Variants in DLG2 observed in about 807,000 individuals in gnomAD.
The protein encoded by DLG2 is disks large homolog 2.
Under a neutral mutation model 132.5 loss-of-function variants are expected in DLG2, and 45 were observed. That is an observed-to-expected ratio of 0.34 (90% CI 0.27 to 0.44). The LOEUF (loss-of-function observed/expected upper bound fraction) is 0.44. DLG2 is among the 20% of genes least tolerant of loss of function. The probability of loss-of-function intolerance (pLI) is 1.00; values close to 1 mark genes in which losing one functional copy is unlikely to be tolerated. For missense variants in DLG2, 1,045 were observed against 1,196.9 expected, an observed-to-expected ratio of 0.87 and a Z score of 1.87; for synonymous variants, 424 against 419.6, an observed-to-expected ratio of 1.01 and a Z score of -0.13.
At chr11:85,065,142 A>C (rs1405314035) in intron 6 of DLG2, among the ~76,000 whole-genome samples, 1 of 151,402 alleles carries the variant, frequency 6.6e-6, no homozygotes, top group Non-Finnish European at 1.5e-5. Context: ...ACTGTTCTAA[A>C]CATTTCTTTA....
intron 4 of DLG2, among the ~76,000 whole-genome samples, chr11:85,221,837 A>T (rs560050927): frequency 1.3e-5 from 2 of 152,212 alleles, no homozygotes; most frequent in Non-Finnish European, 2.9e-5. Context: ...TCTGGACTCT[A>T]GCACCTATTT....
At chr11:83,974,053 G>A (rs1031055054) in intron 12 of DLG2, among the ~76,000 whole-genome samples, 6 of 152,056 alleles carry the variant, frequency 3.9e-5, no homozygotes, top group Admixed American at 3.3e-4. Context: ...TAAATGAGGT[G>A]TTGTAGGCAA....
At chr11:84,950,787 T>C (rs888340289) in intron 6 of DLG2, among the ~76,000 whole-genome samples, 2 of 152,032 alleles carry the variant, frequency 1.3e-5, no homozygotes, top group African/African-American at 4.8e-5. Flanking sequence ...CGGATATCTG[T>C]GAGTATATAT....
chr11:83,554,236 GC>G (rs2096465716), intron 19 of DLG2, among the ~76,000 whole-genome samples: 1 of 152,072 alleles, frequency 6.6e-6, no homozygotes, highest in African/African-American at 2.4e-5. Flanking sequence ...ATTTTTCCAT[GC>G]ACCTAGTGTA....
At chr11:85,126,600 T>C (rs1050624239) in intron 5 of DLG2, among the ~76,000 whole-genome samples, 1 of 152,164 alleles carries the variant, frequency 6.6e-6, no homozygotes, top group Admixed American at 6.5e-5. Flanking sequence ...TGCCACTCAA[T>C]ACATTTTTTT....
chr11:84,591,225 G>GTGTGTGTGTC (rs1555073634), intron 6 of DLG2, among the ~76,000 whole-genome samples: 3 of 78,234 alleles, frequency 3.8e-5, no homozygotes, highest in African/African-American at 6.0e-5. Flanking sequence ...GTGTCTCTCT[G>GTGTGTGTGTC]TGTGTGTGTG....
intron 18 of DLG2, among the ~76,000 whole-genome samples, chr11:83,768,811 A>G (rs2153785377): frequency 6.6e-6 from 1 of 152,278 alleles, no homozygotes; most frequent in Non-Finnish European, 1.5e-5. Context: ...TAAAGAAGTG[A>G]GGAATAGGTG....
chr11:84,233,106 T>C (rs538357186), intron 8 of DLG2, among the ~76,000 whole-genome samples: 25 of 152,162 alleles, frequency 1.6e-4, no homozygotes, highest in African/African-American at 5.1e-4. Flanking sequence ...TAAAGTAACA[T>C]GGATGAAAGT....
chr11:85,348,301 C>T (rs550037675), intron 3 of DLG2, among the ~76,000 whole-genome samples: 1 of 151,794 alleles, frequency 6.6e-6, no homozygotes, highest in Non-Finnish European at 1.5e-5. Context: ...CAGCTCACTG[C>T]AACTTCAGCC....
At chr11:83,464,484 A>G (rs1413482854) in intron 26 of DLG2, among the ~76,000 whole-genome samples, 1 of 152,184 alleles carries the variant, frequency 6.6e-6, no homozygotes, top group African/African-American at 2.4e-5. Flanking sequence ...TAAACATCCA[A>G]CCTTTAGTAG....
intron 6 of DLG2, chr11:84,546,422 C>G (rs992721459): frequency 2.6e-5 from 6 of 232,134 alleles, no homozygotes; most frequent in African/African-American, 4.5e-5. Context: ...ACTGAAAGAA[C>G]CATGAGCCAA....
At chr11:83,571,010 G>C (rs2096786650) in intron 19 of DLG2, among the ~76,000 whole-genome samples, 1 of 152,008 alleles carries the variant, frequency 6.6e-6, no homozygotes, top group African/African-American at 2.4e-5. Context: ...AGCCTCCCAA[G>C]TAGCCGGGAT....
intron 6 of DLG2, among the ~76,000 whole-genome samples, chr11:85,030,125 T>C (rs896267212): frequency 6.6e-6 from 1 of 152,268 alleles, no homozygotes; most frequent in Non-Finnish European, 1.5e-5. Flanking sequence ...CATTGCTCAA[T>C]TAAACTCCTT....
intron 21 of DLG2, among the ~76,000 whole-genome samples, chr11:83,510,344 G>C (rs2094942927): frequency 6.6e-6 from 1 of 151,998 alleles, no homozygotes; most frequent in Non-Finnish European, 1.5e-5. Flanking sequence ...TCCAGACTCA[G>C]AGAGTAAGAG....
At chr11:84,607,394 C>G (rs965914735) in intron 6 of DLG2, among the ~76,000 whole-genome samples, 6 of 152,114 alleles carry the variant, frequency 3.9e-5, no homozygotes, top group African/African-American at 1.4e-4. Flanking sequence ...CTTCTTGATG[C>G]ATAGCCTTGC....
At chr11:84,283,144 G>T (rs1187431209) in intron 7 of DLG2, among the ~76,000 whole-genome samples, 2 of 152,048 alleles carry the variant, frequency 1.3e-5, no homozygotes, top group Non-Finnish European at 2.9e-5. Context: ...TTGTAATATT[G>T]ACTTTACAAC....
chr11:84,675,668 A>T (rs2099710491), intron 6 of DLG2, among the ~76,000 whole-genome samples: 1 of 152,058 alleles, frequency 6.6e-6, no homozygotes, highest in African/African-American at 2.4e-5. Context: ...ACCCTAGTTG[A>T]AATTCACTAG....
At chr11:85,378,431 A>G (rs1010918828) in intron 3 of DLG2, among the ~76,000 whole-genome samples, 1 of 152,136 alleles carries the variant, frequency 6.6e-6, no homozygotes, top group East Asian at 1.9e-4. Flanking sequence ...TTTGACCTTC[A>G]GTTTCCTCAT....
intron 7 of DLG2, chr11:84,273,208 C>T: frequency 6.4e-7 from 1 of 1,574,550 alleles, no homozygotes; most frequent in Non-Finnish European, 8.6e-7. Flanking sequence ...CAATAGTATC[C>T]CACAAAAGCT....
Sources: allele counts gnomAD v4.1 joint callset (sites outside exome capture counted in the v4.1 genomes callset), GRCh38; gene constraint gnomAD v4.1.1; transcripts MANE v1.5; gene names NCBI Gene and HGNC (gene_info 2026-07-23, HGNC 2026-07-21).